Variants in ITGAE observed in about 807,000 individuals in gnomAD.
ITGAE encodes the protein integrin alpha-E.
Under a neutral mutation model 136.5 loss-of-function variants are expected in ITGAE, and 99 were observed. The ratio of observed to expected loss-of-function variants is 0.73; its 90% confidence interval spans 0.62 to 0.86. The LOEUF is 0.86. Ranked by LOEUF, ITGAE falls within the 40% of genes least tolerant of loss-of-function variation. The probability of loss-of-function intolerance (pLI) is 0.00; values close to 1 mark genes in which losing one functional copy is unlikely to be tolerated. For synonymous variants in ITGAE, 613 were observed against 591.8 expected (o/e 1.04, Z -0.52); for missense variants, 1,447 against 1,515.3 (o/e 0.95, Z 0.75).
Position 3,728,266 on chromosome 17 carries a change from C to T in ITGAE, c.2913-98G>A, listed in dbSNP as rs915355036. The T allele has an allele frequency of 6.8e-6, 6 of 886,312 alleles. No homozygotes were observed. In the African/African-American group the frequency reaches 9.9e-5, roughly 15 times the overall value. 54.9% of individuals were successfully genotyped at this position (886,312 alleles called of 1,614,324 possible). A position where few individuals can be genotyped will look rare whatever the true frequency, so the allele number is the denominator to read the frequency against. On this transcript the variant is annotated intron_variant, in intron 24 of 30. Transcript: ENST00000263087. Reference sequence around the variant, plus strand: ...TTGCCCAGGCTAGAGCACAGTGGAACAATCATGGCTCAGTGTAGCCTCAAC... The same window carrying T: ...TTGCCCAGGCTAGAGCACAGTGGAATAATCATGGCTCAGTGTAGCCTCAAC...
At chr17:3,797,913 G>A (rs1166910486) in intron 1 of ITGAE, among the ~76,000 whole-genome samples, 3 of 152,072 alleles carry the variant, frequency 2.0e-5, no homozygotes, top group Non-Finnish European at 2.9e-5. Flanking sequence ...CAATTCTGTC[G>A]CCATCCTGGT....
chr17:3,723,841 G>C (rs539959123), intron 26 of ITGAE, 97 bp from the exon 27 acceptor site: 30 of 1,539,860 alleles, frequency 1.9e-5, no homozygotes, highest in East Asian at 4.5e-5. Flanking sequence ...CGCATGCGCA[G>C]GGCCGGGAGC....
chr17:3,751,524 C>A lies in ITGAE; in HGVS notation c.1893+126G>T, dbSNP rs1324729866. On this transcript the variant is annotated intron_variant, in intron 15 of 30. Transcript: ENST00000263087. ...TAGCCTGGGGGACTTCTTTCTTTCA[C>A]TGGGCATTCCCAACCCCCGAGACCT... 5.0e-6 allele frequency: 4 copies of A among 797,506 alleles called. No homozygotes were observed. In the East Asian group the frequency reaches 1.0e-4, roughly 20 times the overall value. 49.4% of individuals were successfully genotyped at this position (797,506 alleles called of 1,614,324 possible).
rs145699046 is a variant in ITGAE, at chr17:3,716,970, C to A, written c.3334-172G>T. The A allele has an allele frequency of 1.1e-3, 627 of 558,576 alleles. 2 individuals are homozygous for A. Among genetic ancestry groups the A allele is most frequent in the African/African-American group, 0.011 (576 of 53,028 alleles). The allele number at this position is 558,576 out of a possible 1,614,324, so 34.6% of individuals were successfully genotyped here. ...TATTCCCTGATGCAGCATTTTAGAT[C>A]ATCTAAAACTATCCAATCACCCAAA... On this transcript the variant is annotated intron_variant, in intron 29 of 30. Coordinates refer to ENST00000263087, the MANE Select transcript of ITGAE (RefSeq NM_002208.5).
chr17:3,779,549 G>A (rs1008206060), intron 1 of ITGAE, among the ~76,000 whole-genome samples: 4 of 151,972 alleles, frequency 2.6e-5, no homozygotes, highest in East Asian at 3.9e-4. Flanking sequence ...AGCTGGTTTC[G>A]AACTCCTGAC....
chr17:3,723,301 T>A lies in ITGAE; in HGVS notation c.3224A>T (p.Asp1075Val). The A allele has an allele frequency of 6.2e-7, 1 of 1,611,126 alleles. No individual in the cohort carries two copies. The change falls in exon 28 of 31, where the codon GAT (aspartate) becomes GTT (valine). Residue 1075 changes from aspartate to valine, a missense_variant. Around this residue, in one of 3 missense-constraint regions of ITGAE, gnomAD observed 1,031 missense variants for 1,011.4 expected, o/e 1.02. Transcript: ENST00000263087. ...AGTCTCAAACACCTCCTCAGAGTGA[T>A]CCCAGGAGATCTCTGCAGCCACGGT... ...NVTVAAEISW[D>V]HSEELLKDVT...
intron 1 of ITGAE, among the ~76,000 whole-genome samples, chr17:3,788,517 C>G (rs1380525999): frequency 8.4e-6 from 1 of 118,824 alleles, no homozygotes; most frequent in Non-Finnish European, 1.7e-5. Flanking sequence ...TCAAGCTGGT[C>G]TTGAACTCCT....
intron 12 of ITGAE, among the ~76,000 whole-genome samples, chr17:3,754,325 G>T (rs10438720): frequency 4.1e-4 from 63 of 152,272 alleles, no homozygotes; most frequent in African/African-American, 1.4e-3. Flanking sequence ...ACGCTGGAGT[G>T]CAGTGGCACA....
chr17:3,781,744 T>C (rs905639464), intron 1 of ITGAE, among the ~76,000 whole-genome samples: 20 of 152,240 alleles, frequency 1.3e-4, no homozygotes, highest in African/African-American at 4.6e-4. Flanking sequence ...TTTACTTTTT[T>C]CCCACAGTTG....
chr17:3,718,694 A>C (rs879328740), intron 29 of ITGAE, among the ~76,000 whole-genome samples: 2 of 152,262 alleles, frequency 1.3e-5, no homozygotes, highest in African/African-American at 2.4e-5. Context: ...ATCAGTAAGT[A>C]AGAGGGGGAA....
At chr17:3,729,330 A>T in intron 24 of ITGAE, 148 bp downstream of exon 24, 1 of 666,810 alleles carries the variant, frequency 1.5e-6, no homozygotes, top group Non-Finnish European at 2.8e-6. Flanking sequence ...CTAGAGATCA[A>T]TATCAGAGCC....
chr17:3,771,532 C>G (rs1481994560), intron 2 of ITGAE, among the ~76,000 whole-genome samples: 1 of 138,980 alleles, frequency 7.2e-6, no homozygotes, highest in Non-Finnish European at 1.5e-5. Flanking sequence ...GTGCATTTTT[C>G]TCTTTTTTTT....
intron 17 of ITGAE, among the ~76,000 whole-genome samples, chr17:3,746,596 C>T (rs1317429467): frequency 6.6e-6 from 1 of 152,110 alleles, no homozygotes; most frequent in Non-Finnish European, 1.5e-5. Context: ...GCTGGGACTA[C>T]AGGCGCCCGC....
intron 26 of ITGAE, chr17:3,723,998 C>T (rs757273128): frequency 6.3e-7 from 1 of 1,595,016 alleles, no homozygotes; most frequent in South Asian, 1.1e-5. Flanking sequence ...CTGCGGACGG[C>T]AGGAGACAGC....
In ITGAE at chr17:3,730,558, C is replaced by T. The variant is rs532123239; in HGVS notation, c.2834+546G>A. 450 of 152,948 alleles carry T rather than the reference C, an allele frequency of 2.9e-3. 1 individual carries two copies. The highest frequency in any genetic ancestry group is 3.3e-3 in the Non-Finnish European group (227 of 68,436). 9.5% of individuals were successfully genotyped at this position (152,948 alleles called of 1,614,324 possible). On this transcript the variant is annotated intron_variant, in intron 23 of 30. Coordinates refer to ENST00000263087, the MANE Select transcript of ITGAE (RefSeq NM_002208.5). The stretch of plus-strand genomic sequence containing the variant: ...GAATACTGATTTTAAAAGGGCTTCT[C>T]AGCCTCCACACTATTGACGTTTTGG...
intron 26 of ITGAE, among the ~76,000 whole-genome samples, chr17:3,726,963 T>G (rs2051228197): frequency 6.6e-6 from 1 of 151,984 alleles, no homozygotes; most frequent in Non-Finnish European, 1.5e-5. Context: ...CTCCTCACCT[T>G]GTGATCCACC....
intron 27 of ITGAE, 121 bp from the exon 28 acceptor site, chr17:3,723,504 G>A: frequency 1.7e-5 from 17 of 974,820 alleles, no homozygotes; most frequent in Non-Finnish European, 2.4e-5. Flanking sequence ...CAATTTCAGC[G>A]CTCACCTCGG....
intron 2 of ITGAE, among the ~76,000 whole-genome samples, chr17:3,771,406 G>T (rs913137806): frequency 3.9e-5 from 6 of 152,232 alleles, no homozygotes; most frequent in African/African-American, 1.4e-4. Context: ...GTGTCTGGAA[G>T]GGAGTGCGGG....
intron 7 of ITGAE, among the ~76,000 whole-genome samples, chr17:3,759,912 G>C (rs1166515326): frequency 6.6e-6 from 1 of 152,130 alleles, no homozygotes. Flanking sequence ...TTGCTGCCAC[G>C]AAAAAGTTGG....
Sources: allele counts gnomAD v4.1 joint callset (sites outside exome capture counted in the v4.1 genomes callset), GRCh38; gene constraint gnomAD v4.1.1; regional missense constraint gnomAD v4.1.1; transcripts MANE v1.5; gene names NCBI Gene and HGNC (gene_info 2026-07-23, HGNC 2026-07-21).